AKAP13: variants seen among roughly 807,000 people sequenced by gnomAD.
AKAP13 encodes the protein A-kinase anchor protein 13.
In AKAP13, 80 loss-of-function variants were observed where a neutral mutation model predicts 264.5. The observed-to-expected ratio is 0.30, with a 90% CI of 0.25 to 0.36. AKAP13 has a LOEUF of 0.36. Among genes scored for constraint, AKAP13 ranks in the 10% least tolerant of loss-of-function variants. The pLI is 1.00. For missense variants in AKAP13, 3,712 were observed against 3,435.2 expected, an observed-to-expected ratio of 1.08 and a Z score of -2.01; for synonymous variants, 1,380 against 1,250.2, an observed-to-expected ratio of 1.10 and a Z score of -2.19.
intron 1 of AKAP13, among the ~76,000 whole-genome samples, chr15:85,415,002 C>A (rs1023791356): frequency 6.6e-6 from 1 of 152,134 alleles, no homozygotes; most frequent in Non-Finnish European, 1.5e-5. Context: ...GACCTGTCAA[C>A]TGTTTTGGTT....
rs2087009562 is a variant in AKAP13, at chr15:85,717,363, A to G, written c.5809A>G (p.Ser1937Gly). Residue 1937 changes from serine to glycine, a missense_variant, in exon 21 of 37, where the codon AGC (serine) becomes GGC (glycine). Transcript: ENST00000394518. ...TTCAACAGACTCACTAAATAAAATC[A>G]GCAAGGTCAATGAGTCAACAGAATC... ...SHSTDSLNKI[S>G]KVNESTESLT... 6.2e-7 allele frequency: 1 copy of G among 1,613,310 alleles called. No individual in the cohort carries two copies. Among genetic ancestry groups the G allele is most frequent in the Non-Finnish European group, 8.5e-7 (1 of 1,179,830 alleles).
intron 35 of AKAP13, among the ~76,000 whole-genome samples, chr15:85,741,709 A>AC (rs1240395288): frequency 3.4e-4 from 36 of 105,078 alleles, no homozygotes; most frequent in African/African-American, 1.0e-3. Context: ...AAAAAAAAAA[A>AC]AAAAAAACAA....
At chr15:85,416,363 G>A (rs969763179) in intron 1 of AKAP13, among the ~76,000 whole-genome samples, 3 of 152,210 alleles carry the variant, frequency 2.0e-5, no homozygotes, top group Admixed American at 6.5e-5. Context: ...TCAGTTGTGG[G>A]TAGCCAGGTA....
intron 2 of AKAP13, among the ~76,000 whole-genome samples, chr15:85,489,197 A>C (rs1273850256): frequency 6.6e-6 from 1 of 152,248 alleles, no homozygotes; most frequent in Non-Finnish European, 1.5e-5. Flanking sequence ...TAAGTCATAG[A>C]AACCACTGTA....
chr15:85,533,656 C>T lies in AKAP13; in HGVS notation c.254C>T (p.Ala85Val). The T allele has an allele frequency of 1.2e-6, 2 of 1,614,170 alleles. No homozygotes were observed. The highest frequency in any genetic ancestry group is 1.6e-4 in the Middle Eastern group (1 of 6,062). Residue 85 changes from alanine to valine, a missense_variant, in exon 4 of 37, where the codon GCT becomes GTT. Ala to Val is a moderately conservative substitution (Grantham distance 64). Around this residue, in one of 3 missense-constraint regions of AKAP13, gnomAD observed 2,759 missense variants for 2,411.7 expected, o/e 1.14. Coordinates refer to ENST00000394518, the MANE Select transcript of AKAP13 (RefSeq NM_007200.5). ...SKEGLPVFVVAEEDFHFVQDE... is the reference protein window; with the variant it reads ...SKEGLPVFVVVEEDFHFVQDE... Reference sequence around the variant, plus strand: ...GAGGGCCTTCCCGTGTTTGTGGTGGCTGAAGAAGACTTTCATTTCGTCCAG... The same window carrying T: ...GAGGGCCTTCCCGTGTTTGTGGTGGTTGAAGAAGACTTTCATTTCGTCCAG...
At chr15:85,644,538 G>A (rs2082460339) in intron 9 of AKAP13, among the ~76,000 whole-genome samples, 1 of 150,450 alleles carries the variant, frequency 6.6e-6, no homozygotes, top group South Asian at 2.1e-4. Context: ...ACCATGCCCG[G>A]CCATGACTTT....
At chr15:85,670,995 A>G (rs2083895539) in intron 14 of AKAP13, 1 of 151,958 alleles carries the variant, frequency 6.6e-6, no homozygotes, top group Non-Finnish European at 1.5e-5. Context: ...TTTTATGAGT[A>G]GTTGCTGTGT....
intron 1 of AKAP13, among the ~76,000 whole-genome samples, chr15:85,422,518 T>C (rs1236678267): frequency 1.3e-5 from 2 of 152,250 alleles, no homozygotes; most frequent in Non-Finnish European, 1.5e-5. Context: ...GTTTGGACTT[T>C]TCTCATAATT....
In AKAP13 at chr15:85,411,187, C is replaced by G. The variant is rs533670768; in HGVS notation, c.-12+30389C>G. The stretch of plus-strand genomic sequence containing the variant: ...GCCGATGCCTTAGAATCAATCACGA[C>G]AGTGAACTAAACTGAGCTCCAGTAG... On this transcript the variant is annotated intron_variant, in intron 1 of 36. Coordinates refer to ENST00000394518, the MANE Select transcript of AKAP13 (RefSeq NM_007200.5). Among the ~76,000 whole-genome samples the G allele has an allele frequency of 4.5e-4, 68 of 152,336 alleles. 1 individual carries two copies. Among genetic ancestry groups the G allele is most frequent in the African/African-American group, 1.3e-3 (52 of 41,578 alleles).
intron 25 of AKAP13, among the ~76,000 whole-genome samples, chr15:85,722,849 A>G (rs1336347049): frequency 6.6e-6 from 1 of 152,196 alleles, no homozygotes; most frequent in African/African-American, 2.4e-5. Context: ...AGAGCACAAC[A>G]TATGATTGCA....
chr15:85,490,165 G>A (rs2075683304), intron 2 of AKAP13, among the ~76,000 whole-genome samples: 1 of 152,206 alleles, frequency 6.6e-6, no homozygotes, highest in African/African-American at 2.4e-5. Flanking sequence ...GGATTGTTTA[G>A]AGAGAGGAAA....
At chr15:85,467,052 A>C (rs1354224637) in intron 1 of AKAP13, among the ~76,000 whole-genome samples, 1 of 148,180 alleles carries the variant, frequency 6.7e-6, no homozygotes, top group Non-Finnish European at 1.5e-5. Flanking sequence ...TGCATTGGAT[A>C]CTACATCTAT....
chr15:85,442,504 T>TATATATA (rs1567059675), intron 1 of AKAP13, among the ~76,000 whole-genome samples: 1 of 100,042 alleles, frequency 1.0e-5, no homozygotes, highest in East Asian at 2.6e-4. Context: ...TATATTATAT[T>TATATATA]ATATATAATA....
At chr15:85,532,530 A>G (rs2077273936) in intron 3 of AKAP13, among the ~76,000 whole-genome samples, 1 of 152,196 alleles carries the variant, frequency 6.6e-6, no homozygotes, top group Non-Finnish European at 1.5e-5. Flanking sequence ...CCCAAACAAA[A>G]ACATTAACTC....
intron 10 of AKAP13, among the ~76,000 whole-genome samples, chr15:85,650,170 T>C (rs1158899658): frequency 6.6e-6 from 1 of 152,178 alleles, no homozygotes; most frequent in Non-Finnish European, 1.5e-5. Context: ...TGGTTCACAC[T>C]TGTAATCCCA....
chr15:85,619,024 C>T (rs912085777), intron 8 of AKAP13, among the ~76,000 whole-genome samples: 1 of 152,120 alleles, frequency 6.6e-6, no homozygotes, highest in Non-Finnish European at 1.5e-5. Flanking sequence ...CTGTACCTCA[C>T]GACAAGTCCA....
At chr15:85,533,483 G>T in intron 3 of AKAP13, 101 bp from the exon 4 acceptor site, 4 of 1,186,958 alleles carry the variant, frequency 3.4e-6, no homozygotes, top group Admixed American at 3.1e-5. Flanking sequence ...TTTAGGAGGA[G>T]AAATTTGTAT....
At chr15:85,740,528 A>G (rs2088874730) in intron 34 of AKAP13, 2 of 485,030 alleles carry the variant, frequency 4.1e-6, no homozygotes, top group African/African-American at 1.9e-5. Flanking sequence ...GCTAACATGC[A>G]TCTGGGAGAT....
chr15:85,403,180 T>C (rs150883529), intron 1 of AKAP13, among the ~76,000 whole-genome samples: 5 of 152,300 alleles, frequency 3.3e-5, no homozygotes, highest in African/African-American at 1.2e-4. Flanking sequence ...TGGAAATTAT[T>C]CCTAAAAGAA....
Sources: gnomAD v4.1 joint callset for allele counts (sites outside exome capture counted in the v4.1 genomes callset) on GRCh38, gnomAD v4.1.1 for gene constraint, gnomAD v4.1.1 regional missense constraint, MANE v1.5 for transcripts, NCBI Gene and HGNC (gene_info 2026-07-23, HGNC 2026-07-21) for gene names.